The following NUB1 variants were observed in gnomAD, a reference collection of about 807,000 sequenced individuals.
NUB1 encodes negative regulator of ubiquitin like proteins 1.
In NUB1, 41 loss-of-function variants were observed where a neutral mutation model predicts 77.1. That is an observed-to-expected ratio of 0.53 (90% confidence interval 0.41 to 0.69). The LOEUF (loss-of-function observed/expected upper bound fraction) is 0.69. Ranked by LOEUF, NUB1 falls within the 30% of genes least tolerant of loss-of-function variation. The pLI is 0.00. For synonymous variants in NUB1, 257 were observed against 281.0 expected (o/e 0.91, Z 0.85); for missense variants, 643 against 743.8 (o/e 0.86, Z 1.58).
chr7:151,374,185 C>T lies in NUB1; in HGVS notation c.1337C>T (p.Thr446Met), dbSNP rs377172702. 495 of 1,574,198 alleles carry T rather than the reference C, an allele frequency of 3.1e-4. No homozygotes were observed. Among genetic ancestry groups the T allele is most frequent in the South Asian group, 6.6e-4 (56 of 85,442 alleles). Residue 446 changes from threonine to methionine, a missense_variant, in exon 12 of 15, where the codon ACG (threonine) becomes ATG (methionine). Transcript: ENST00000568733. ...TTTCTGAAAGGGATGGGCTACTCCACGCACGCGGCCCAGCAGGTACTCCAC... is the reference window on the plus strand; with the variant it reads ...TTTCTGAAAGGGATGGGCTACTCCATGCACGCGGCCCAGCAGGTACTCCAC... ...IRFLKGMGYS[T>M]HAAQQVLHAA...
At chr7:151,368,085 T>C in intron 10 of NUB1, 117 bp downstream of exon 10, 1 of 628,270 alleles carries the variant, frequency 1.6e-6, no homozygotes. Flanking sequence ...GCTTTCTCCG[T>C]GCACAGGAGA....
chr7:151,346,901 G>A (rs11973188), intron 2 of NUB1, among the ~76,000 whole-genome samples: 2,344 of 152,252 alleles, frequency 0.015, 71 homozygotes, highest in African/African-American at 0.054. Flanking sequence ...GGTAACCTGG[G>A]GACCAGATAC....
At chr7:151,365,733 TCAAA>T in intron 8 of NUB1, among the ~76,000 whole-genome samples, 1 of 152,338 alleles carries the variant, frequency 6.6e-6, no homozygotes, top group South Asian at 2.1e-4. Flanking sequence ...GTATGTGTTC[TCAAA>T]CATTCACGAA....
rs59781719 is a variant in NUB1, at chr7:151,348,569, C to CTTTTTTTTTTTTTTTTTTTTT, written c.118-500_118-480dup. Reference sequence around the variant, plus strand: ...AAATGTTTTTGTTTTTTGCTTTTTGCTTTTTTTTTTTTTTTTTTTTTTTTG... The same window carrying CTTTTTTTTTTTTTTTTTTTTT: ...AAATGTTTTTGTTTTTTGCTTTTTGCTTTTTTTTTTTTTTTTTTTTTTTTTTTTTTTTTTTTTTTTTTTTTG... On this transcript the variant is annotated intron_variant, in intron 2 of 14. Transcript: ENST00000568733. Among the ~76,000 whole-genome samples, 6 of 69,924 alleles carry CTTTTTTTTTTTTTTTTTTTTT rather than the reference C, an allele frequency of 8.6e-5. 1 individual carries two copies. The highest frequency in any genetic ancestry group is 1.8e-4 in the African/African-American group (3 of 16,912). The allele number at this position is 69,924 out of a possible 152,430, so 45.9% of individuals were successfully genotyped here.
chr7:151,360,137 C>CT lies in NUB1; in HGVS notation c.694-3dup. 1 of 1,465,454 alleles carries CT rather than the reference C, an allele frequency of 6.8e-7. No individual in the cohort carries two copies. The allele number at this position is 1,465,454 out of a possible 1,614,324, so 90.8% of individuals were successfully genotyped here. On this transcript the variant is annotated splice_polypyrimidine_tract_variant and splice_region_variant and intron_variant, in intron 7 of 14. Transcript: ENST00000568733. ...ATGTTTTTTAAATTTGTATTTTTTC[C>CT]TAGGCCCTTATGTTAGCTATGGGAT...
chr7:151,366,195 G>A (rs1273151816), intron 8 of NUB1, among the ~76,000 whole-genome samples: 4 of 152,202 alleles, frequency 2.6e-5, no homozygotes, highest in Non-Finnish European at 4.4e-5. Flanking sequence ...CCTTTGCTGC[G>A]CCTGGGTTCA....
chr7:151,375,187 T>C (rs942970030), intron 12 of NUB1, among the ~76,000 whole-genome samples: 1 of 152,256 alleles, frequency 6.6e-6, no homozygotes, highest in African/African-American at 2.4e-5. Context: ...AGTACTTTTG[T>C]AACTATGTAC....
chr7:151,342,535 T>C (rs1338100751), intron 1 of NUB1, among the ~76,000 whole-genome samples: 1 of 152,222 alleles, frequency 6.6e-6, no homozygotes, highest in South Asian at 2.1e-4. Flanking sequence ...TCGTCTTTTC[T>C]TAGTTACAAT....
chr7:151,368,504 C>T (rs918376318), intron 10 of NUB1, among the ~76,000 whole-genome samples: 1 of 152,232 alleles, frequency 6.6e-6, no homozygotes, highest in African/African-American at 2.4e-5. Flanking sequence ...ACTTCTGCAA[C>T]ACCCAGCCTC....
At chr7:151,343,559 T>G (rs918987152) in intron 1 of NUB1, among the ~76,000 whole-genome samples, 7 of 152,212 alleles carry the variant, frequency 4.6e-5, no homozygotes, top group Non-Finnish European at 1.0e-4. Flanking sequence ...TCTTTACTTA[T>G]TGCTTGTCTG....
Position 151,352,844 on chromosome 7 carries a change from A to G in NUB1, c.377A>G (p.Tyr126Cys), listed in dbSNP as rs1449119356. ...IAETFGLQENYIKIVINKKQL... is the reference protein window; with the variant it reads ...IAETFGLQENCIKIVINKKQL... ...GAAACCTTTGGACTTCAAGAAAATT[A>G]TATCAAAATTGTCATAAATAAGAAG... The change falls in exon 5 of 15, where the codon TAT (tyrosine) becomes TGT (cysteine). Residue 126 changes from tyrosine (Y) to cysteine (C), a missense_variant. Physicochemically the swap from Tyr to Cys is radical, Grantham distance 194 (BLOSUM62 -2). Transcript: ENST00000568733. 1.3e-6 allele frequency: 2 copies of G among 1,565,628 alleles called. No homozygotes were observed. Among genetic ancestry groups the G allele is most frequent in the Admixed American group, 1.7e-5 (1 of 58,644 alleles).
chr7:151,356,345 C>T (rs1485879490), intron 7 of NUB1, 123 bp downstream of exon 7: 6 of 731,270 alleles, frequency 8.2e-6, no homozygotes, highest in East Asian at 2.7e-5. Context: ...TCTCCAGCCT[C>T]GTAAACAGAA....
chr7:151,351,036 C>T (rs1423117794), intron 3 of NUB1: 2 of 246,142 alleles, frequency 8.1e-6, no homozygotes, highest in Non-Finnish European at 8.0e-6. Context: ...ATGAAATGTC[C>T]GGAATAGGCA....
chr7:151,368,490 A>T (rs555018341), intron 10 of NUB1, among the ~76,000 whole-genome samples: 12 of 152,348 alleles, frequency 7.9e-5, no homozygotes, highest in African/African-American at 2.9e-4. Flanking sequence ...AGTGGTTACC[A>T]GTCACTTCTG....
At chr7:151,360,397 T>G (rs1797318874) in intron 8 of NUB1, 150 bp downstream of exon 8, 2 of 479,294 alleles carry the variant, frequency 4.2e-6, no homozygotes, top group Non-Finnish European at 7.5e-6. Context: ...GGTGAATTTC[T>G]TCTTCCCTTT....
intron 8 of NUB1, among the ~76,000 whole-genome samples, chr7:151,365,335 C>A (rs1218604236): frequency 7.2e-6 from 1 of 138,038 alleles, no homozygotes; most frequent in African/African-American, 2.7e-5. Flanking sequence ...TTTTTTTTGG[C>A]TGCACAAATA....
chr7:151,341,870 C>T, intron 1 of NUB1, 24 bp downstream of exon 1: 3 of 1,494,036 alleles, frequency 2.0e-6, no homozygotes, highest in Non-Finnish European at 2.7e-6. Context: ...GGCCGAGTGT[C>T]CTCGACCCCA....
At chr7:151,352,907 T>G (rs751675231) in intron 5 of NUB1, 25 bp downstream of exon 5, 2 of 1,234,190 alleles carry the variant, frequency 1.6e-6, no homozygotes, top group South Asian at 2.8e-5. Flanking sequence ...GTATGCATAA[T>G]TTTTTAATGA....
At chr7:151,360,323 C>T in intron 8 of NUB1, 76 bp downstream of exon 8, 1 of 696,454 alleles carries the variant, frequency 1.4e-6, no homozygotes, top group Non-Finnish European at 2.5e-6. Flanking sequence ...CTGCCATGCC[C>T]TTGAGACTGC....
Sources: gnomAD v4.1 joint callset for allele counts (sites outside exome capture counted in the v4.1 genomes callset) on GRCh38, gnomAD v4.1.1 for gene constraint, MANE v1.5 for transcripts, NCBI Gene and HGNC (gene_info 2026-07-23, HGNC 2026-07-21) for gene names.